Variants in COL6A6 observed in about 807,000 individuals in gnomAD.
The protein encoded by COL6A6 is collagen type VI alpha 6 chain.
COL6A6 carries 183 observed loss-of-function variants against 208.6 expected under a neutral mutation model. The ratio of observed to expected loss-of-function variants is 0.88; its 90% CI spans 0.78 to 0.99. The LOEUF is 0.99. COL6A6 is among the 50% of genes least tolerant of loss of function. COL6A6 has a pLI of 0.00. For synonymous variants in COL6A6, 973 were observed against 1,011.8 expected (o/e 0.96, Z 0.73); for missense variants, 2,816 against 2,815.2 (o/e 1.00, Z -0.01).
chr3:130,571,742 A>T (rs1200491134), intron 7 of COL6A6, among the ~76,000 whole-genome samples: 3 of 151,672 alleles, frequency 2.0e-5, no homozygotes, highest in Non-Finnish European at 4.4e-5. Context: ...TAGCATGATC[A>T]CGGCTCACTG....
At chr3:130,537,639 A>G (rs1020029721) in intron 1 of COL6A6, among the ~76,000 whole-genome samples, 1 of 152,248 alleles carries the variant, frequency 6.6e-6, no homozygotes, top group African/African-American at 2.4e-5. Flanking sequence ...TTGAATGTCT[A>G]CTTTGGGCTT....
intron 6 of COL6A6, among the ~76,000 whole-genome samples, 161 bp downstream of exon 6, chr3:130,568,765 G>T (rs1425780191): frequency 2.0e-5 from 3 of 152,168 alleles, no homozygotes; most frequent in Non-Finnish European, 4.4e-5. Context: ...AGACAGTGAG[G>T]AAGAGTTTTG....
chr3:130,600,990 TTTTTA>T (rs1319078933), intron 20 of COL6A6, among the ~76,000 whole-genome samples: 1 of 152,220 alleles, frequency 6.6e-6, no homozygotes, highest in Non-Finnish European at 1.5e-5. Flanking sequence ...TTTGGTTTGT[TTTTTA>T]TTTTATTTGT....
At chr3:130,585,892 GC>G (rs1426882775) in intron 10 of COL6A6, among the ~76,000 whole-genome samples, 15 of 152,302 alleles carry the variant, frequency 9.8e-5, no homozygotes, top group African/African-American at 3.6e-4. Context: ...TTTCTGATAA[GC>G]CCCCAGGTGA....
chr3:130,522,979 A>T (rs191309198), intron 1 of COL6A6, among the ~76,000 whole-genome samples: 1 of 151,128 alleles, frequency 6.6e-6, no homozygotes, highest in Non-Finnish European at 1.5e-5. Flanking sequence ...ATCTGCTCAC[A>T]CTTTTCTCTG....
At chr3:130,612,156 A>T (rs2064379469) in intron 23 of COL6A6, among the ~76,000 whole-genome samples, 4 of 152,106 alleles carry the variant, frequency 2.6e-5, no homozygotes, top group Non-Finnish European at 5.9e-5. Flanking sequence ...GTATATATTT[A>T]CTACATTTTC....
intron 1 of COL6A6, among the ~76,000 whole-genome samples, chr3:130,532,885 T>C (rs1484803696): frequency 6.6e-6 from 1 of 152,062 alleles, no homozygotes; most frequent in East Asian, 1.9e-4. Flanking sequence ...TGGTTAGGCA[T>C]CTCTCCTGAC....
chr3:130,635,678 T>C (rs1368064498), intron 27 of COL6A6, 21 bp from the exon 28 acceptor site: 17 of 1,531,530 alleles, frequency 1.1e-5, no homozygotes, highest in Non-Finnish European at 1.5e-5. Flanking sequence ...ATAACTATTT[T>C]ACTTTAATAA....
chr3:130,586,938 A>G (rs1577797325), intron 11 of COL6A6, among the ~76,000 whole-genome samples: 1 of 152,324 alleles, frequency 6.6e-6, no homozygotes, highest in Non-Finnish European at 1.5e-5. Flanking sequence ...TCATGTCCAA[A>G]TTATAGCCAA....
At chr3:130,599,951 C>G in intron 20 of COL6A6, 141 bp downstream of exon 20, 2 of 750,294 alleles carry the variant, frequency 2.7e-6, no homozygotes, top group Non-Finnish European at 4.6e-6. Context: ...ATCTCGCAGA[C>G]CAGGGCTGGC....
At chr3:130,539,493 G>A (rs1258438017) in intron 1 of COL6A6, among the ~76,000 whole-genome samples, 1 of 152,158 alleles carries the variant, frequency 6.6e-6, no homozygotes, top group African/African-American at 2.4e-5. Flanking sequence ...AATTAGCCGG[G>A]TGTGGTGGTG....
At chr3:130,554,816 G>A (rs2062730741) in intron 1 of COL6A6, among the ~76,000 whole-genome samples, 3 of 152,294 alleles carry the variant, frequency 2.0e-5, no homozygotes, top group Admixed American at 1.3e-4. Context: ...TGCAGTGGGG[G>A]AGGGGAACAT....
At chr3:130,634,508 G>T in intron 26 of COL6A6, 82 bp from the exon 27 acceptor site, 1 of 1,260,520 alleles carries the variant, frequency 7.9e-7, no homozygotes, top group South Asian at 1.3e-5. Context: ...AAACTACACA[G>T]GGCAGCAGGT....
At chr3:130,554,753 C>T (rs983124271) in intron 1 of COL6A6, among the ~76,000 whole-genome samples, 1 of 152,072 alleles carries the variant, frequency 6.6e-6, no homozygotes, top group South Asian at 2.1e-4. Flanking sequence ...CAAAGTGATG[C>T]AGGGGGTGGC....
At chr3:130,546,420 G>C (rs1173719769) in intron 1 of COL6A6, among the ~76,000 whole-genome samples, 1 of 152,212 alleles carries the variant, frequency 6.6e-6, no homozygotes, top group Non-Finnish European at 1.5e-5. Context: ...CATAAAGGCA[G>C]TGCAGACCCA....
chr3:130,645,927 G>T (rs1336630504), intron 32 of COL6A6, among the ~76,000 whole-genome samples: 1 of 152,134 alleles, frequency 6.6e-6, no homozygotes, highest in East Asian at 1.9e-4. Context: ...ATGCATTTAA[G>T]AATATTTGTT....
At chr3:130,618,859 C>T (rs574490422) in intron 23 of COL6A6, among the ~76,000 whole-genome samples, 1 of 152,278 alleles carries the variant, frequency 6.6e-6, no homozygotes, top group African/African-American at 2.4e-5. Context: ...TTTGAGGTAA[C>T]TACACATGAA....
At chr3:130,656,215 G>T (rs1181234131) in intron 33 of COL6A6, among the ~76,000 whole-genome samples, 1 of 152,260 alleles carries the variant, frequency 6.6e-6, no homozygotes. Flanking sequence ...AGCCCTGTGT[G>T]TGTTACAGCT....
chr3:130,615,059 T>G (rs959421487), intron 23 of COL6A6, among the ~76,000 whole-genome samples: 1 of 152,108 alleles, frequency 6.6e-6, no homozygotes, highest in Non-Finnish European at 1.5e-5. Flanking sequence ...TGGGGTTGGT[T>G]TTCTCTTGCA....
Sources: allele counts gnomAD v4.1 joint callset (sites outside exome capture counted in the v4.1 genomes callset), GRCh38; gene constraint gnomAD v4.1.1; transcripts MANE v1.5; gene names NCBI Gene and HGNC (gene_info 2026-07-23, HGNC 2026-07-21).